The following ETV5 variants were observed in gnomAD, a reference collection of about 807,000 sequenced individuals.
ETV5 encodes ETS translocation variant 5.
A neutral mutation model predicts 70.0 loss-of-function variants in ETV5; 10 were observed. The ratio of observed to expected loss-of-function variants is 0.14; its 90% CI spans 0.09 to 0.24. ETV5 has a LOEUF of 0.24. Among genes scored for constraint, ETV5 ranks in the 10% least tolerant of loss-of-function variants. The probability of loss-of-function intolerance (pLI) is 1.00; values close to 1 mark genes in which losing one functional copy is unlikely to be tolerated. For missense variants in ETV5, 453 were observed against 651.2 expected (o/e 0.70, Z 3.31); for synonymous variants, 216 against 242.2 (o/e 0.89, Z 1.01).
At chr3:186,049,195 C>A (rs536075911) in intron 12 of ETV5, among the ~76,000 whole-genome samples, 9 of 152,312 alleles carry the variant, frequency 5.9e-5, no homozygotes, top group African/African-American at 2.2e-4. Context: ...TAAGGACTGA[C>A]AGGTGCAAGG....
At position 186,065,660 on chromosome 3, in the gene ETV5, T is replaced by C. The variant is rs144507952; in HGVS notation, c.910+153A>G. ...TTGCGCATAAACATGTCAGCTCTAC[T>C]AGCTCCTAAGTTATTTGAGGGCAAT... On this transcript the variant is annotated intron_variant, in intron 8 of 12. Transcript: ENST00000306376. 2.9e-3 allele frequency among the ~76,000 whole-genome samples: 445 copies of C among 152,320 alleles called. 1 individual carries two copies. Among genetic ancestry groups the C allele is most frequent in the Middle Eastern group, 0.014 (4 of 294 alleles).
chr3:186,051,091 C>T (rs1249159142), intron 12 of ETV5, among the ~76,000 whole-genome samples: 1 of 152,172 alleles, frequency 6.6e-6, no homozygotes, highest in African/African-American at 2.4e-5. Context: ...TGGGAACAGC[C>T]TCAGAGCCTG....
chr3:186,069,010 A>C (rs762047306), intron 7 of ETV5, among the ~76,000 whole-genome samples: 19 of 152,210 alleles, frequency 1.2e-4, no homozygotes, highest in Non-Finnish European at 2.5e-4. Flanking sequence ...AGCTTTAATA[A>C]AATAGTTTGA....
At chr3:186,086,642 G>A (rs1485905765) in intron 5 of ETV5, among the ~76,000 whole-genome samples, 1 of 152,016 alleles carries the variant, frequency 6.6e-6, no homozygotes, top group African/African-American at 2.4e-5. Flanking sequence ...CTAGGAAAGT[G>A]TCAATAAAAG....
rs1046192416 is a variant in ETV5, at chr3:186,059,267, G to A, written c.971-1776C>T. Among the ~76,000 whole-genome samples, 4 of 151,990 alleles carry A rather than the reference G, an allele frequency of 2.6e-5. 1 individual carries two copies. Among genetic ancestry groups the A allele is most frequent in the African/African-American group, 9.7e-5 (4 of 41,382 alleles). On this transcript the variant is annotated intron_variant, in intron 9 of 12. Coordinates refer to ENST00000306376, the MANE Select transcript of ETV5 (RefSeq NM_004454.3). ...AAGCATTAGTTCTCTGTTGCTTAAC[G>A]ACATCAAAGTCTATTTTATTGTCAT...
chr3:186,060,591 C>A (rs540397917), intron 9 of ETV5, among the ~76,000 whole-genome samples: 1 of 152,324 alleles, frequency 6.6e-6, no homozygotes, highest in East Asian at 1.9e-4. Flanking sequence ...CAATCAGAAA[C>A]ACTTGTTTCC....
At position 186,094,227 on chromosome 3, in the gene ETV5, A is replaced by T. The variant is rs1714251631; in HGVS notation, c.232+11078T>A. Reference sequence around the variant, plus strand: ...CTCCTCCCAAAAGAAGTGGTCACGGATGGGAGGAGAGCCTTCCGTCCACGG... The same window carrying T: ...CTCCTCCCAAAAGAAGTGGTCACGGTTGGGAGGAGAGCCTTCCGTCCACGG... On this transcript the variant is annotated intron_variant, in intron 5 of 12. Coordinates refer to ENST00000306376, the MANE Select transcript of ETV5 (RefSeq NM_004454.3). Among the ~76,000 whole-genome samples the T allele has an allele frequency of 2.6e-5, 4 of 152,230 alleles. No homozygotes were observed. In the South Asian group the frequency reaches 8.3e-4, roughly 32 times the overall value.
At chr3:186,097,209 A>G (rs1168918435) in intron 5 of ETV5, among the ~76,000 whole-genome samples, 3 of 151,338 alleles carry the variant, frequency 2.0e-5, no homozygotes, top group Non-Finnish European at 4.4e-5. Flanking sequence ...AAGGGTTTAC[A>G]GCCATAGTGA....
chr3:186,060,795 C>A (rs1184126557), intron 9 of ETV5, among the ~76,000 whole-genome samples: 3 of 152,190 alleles, frequency 2.0e-5, no homozygotes, highest in Non-Finnish European at 4.4e-5. Context: ...GTGTAGTAAG[C>A]AACCCAATGC....
intron 7 of ETV5, among the ~76,000 whole-genome samples, chr3:186,071,552 T>C (rs545141049): frequency 6.6e-6 from 1 of 152,300 alleles, no homozygotes; most frequent in South Asian, 2.1e-4. Context: ...TGATGTAAGA[T>C]AATGTATGTT....
At chr3:186,083,168 G>C (rs1713972575) in intron 5 of ETV5, among the ~76,000 whole-genome samples, 1 of 152,210 alleles carries the variant, frequency 6.6e-6, no homozygotes, top group Non-Finnish European at 1.5e-5. Flanking sequence ...ACAGTAGATA[G>C]TCTGGCAGTT....
chr3:186,066,187 A>G, intron 7 of ETV5, 115 bp from the exon 8 acceptor site: 1 of 800,658 alleles, frequency 1.2e-6, no homozygotes, highest in Non-Finnish European at 1.7e-6. Context: ...GTACTTAATA[A>G]TGCTTATTTC....
intron 5 of ETV5, among the ~76,000 whole-genome samples, chr3:186,083,196 G>T (rs898969674): frequency 6.6e-6 from 1 of 152,188 alleles, no homozygotes; most frequent in African/African-American, 2.4e-5. Context: ...CTGCCCCGTG[G>T]TCACTGCCCT....
At chr3:186,103,413 T>G (rs1378961171) in intron 5 of ETV5, among the ~76,000 whole-genome samples, 1 of 152,218 alleles carries the variant, frequency 6.6e-6, no homozygotes, top group Non-Finnish European at 1.5e-5. Flanking sequence ...TCAATTTGAA[T>G]GCAGCCATCT....
At chr3:186,106,589 T>C (rs956349061) in intron 1 of ETV5, among the ~76,000 whole-genome samples, 2 of 152,204 alleles carry the variant, frequency 1.3e-5, no homozygotes, top group Admixed American at 6.5e-5. Flanking sequence ...ATTTGTGACA[T>C]CTCCAACTTC....
intron 9 of ETV5, 57 bp downstream of exon 9, chr3:186,064,360 G>T (rs1346282112): frequency 9.2e-6 from 14 of 1,514,736 alleles, no homozygotes; most frequent in Non-Finnish European, 1.2e-5. Flanking sequence ...CCGAGAGAAA[G>T]AAAGGAAGAA....
intron 5 of ETV5, among the ~76,000 whole-genome samples, chr3:186,087,768 C>T (rs1714092067): frequency 6.6e-6 from 1 of 152,108 alleles, no homozygotes; most frequent in Non-Finnish European, 1.5e-5. Flanking sequence ...ACTATTACAG[C>T]CCCAAGGATC....
intron 9 of ETV5, among the ~76,000 whole-genome samples, chr3:186,058,314 C>T (rs1417561405): frequency 1.3e-5 from 2 of 152,212 alleles, no homozygotes; most frequent in African/African-American, 4.8e-5. Flanking sequence ...AGCCAGGTAA[C>T]AGATAACTTG....
At chr3:186,085,802 AC>A (rs1376358462) in intron 5 of ETV5, among the ~76,000 whole-genome samples, 1 of 152,076 alleles carries the variant, frequency 6.6e-6, no homozygotes, top group Non-Finnish European at 1.5e-5. Context: ...GAGCCACCGT[AC>A]CCGGCAGCCT....
Sources: gnomAD v4.1 joint callset for allele counts (sites outside exome capture counted in the v4.1 genomes callset) on GRCh38, gnomAD v4.1.1 for gene constraint, MANE v1.5 for transcripts, NCBI Gene and HGNC (gene_info 2026-07-23, HGNC 2026-07-21) for gene names.